Variants in ZFHX3 observed in about 807,000 individuals in gnomAD.
The protein encoded by ZFHX3 is zinc finger homeobox protein 3.
In ZFHX3, 42 loss-of-function variants were observed where a neutral mutation model predicts 279.1. The ratio of observed to expected loss-of-function variants is 0.15; its 90% CI spans 0.12 to 0.19. The LOEUF (loss-of-function observed/expected upper bound fraction) is 0.19. Among genes scored for constraint, ZFHX3 ranks in the 10% least tolerant of loss-of-function variants. ZFHX3 has a pLI of 1.00. For missense variants in ZFHX3, 4,981 were observed against 4,754.0 expected (o/e 1.05, Z -1.40); for synonymous variants, 2,293 against 1,957.8 (o/e 1.17, Z -4.52).
intron 1 of ZFHX3, among the ~76,000 whole-genome samples, chr16:73,710,723 C>T (rs1370375215): frequency 1.3e-5 from 2 of 152,150 alleles, no homozygotes; most frequent in Non-Finnish European, 2.9e-5. Flanking sequence ...CTGTGTCCTG[C>T]TCAGTAACTG....
In ZFHX3 at chr16:73,346,634, G is replaced by T. The variant is rs182653203; in HGVS notation, c.-1290-28298C>A. ...CTACAGGTGTATGCCACTATGCCTG[G>T]CTAATTTTTGTATTTTTTGTAGAGA... On this transcript the variant is annotated intron_variant, in intron 3 of 17. Coordinates refer to the ZFHX3 transcript ENST00000641206. Among the ~76,000 whole-genome samples, 5 of 152,282 alleles carry T rather than the reference G, an allele frequency of 3.3e-5. No homozygotes were observed. The East Asian group carries it at 9.7e-4, about 29-fold the overall frequency.
chr16:73,104,154 T>G (rs1207607141), intron 7 of ZFHX3, among the ~76,000 whole-genome samples: 1 of 152,240 alleles, frequency 6.6e-6, no homozygotes, highest in Middle Eastern at 3.2e-3. Context: ...ATAGCCACAA[T>G]CATCCAGTAA....
At chr16:73,372,290 GT>G (rs879808663) in intron 3 of ZFHX3, among the ~76,000 whole-genome samples, 16 of 151,156 alleles carry the variant, frequency 1.1e-4, no homozygotes, top group South Asian at 2.1e-4. Context: ...ATTAAACAAG[GT>G]TTTTTTTTAA....
intron 3 of ZFHX3, among the ~76,000 whole-genome samples, chr16:72,908,430 G>C (rs1053213850): frequency 6.6e-6 from 1 of 152,212 alleles, no homozygotes; most frequent in Admixed American, 6.5e-5. Flanking sequence ...CTCAGGTGAC[G>C]ACAATGGGTG....
intron 4 of ZFHX3, among the ~76,000 whole-genome samples, chr16:72,875,460 T>G (rs1318580808): frequency 6.6e-6 from 1 of 151,952 alleles, no homozygotes; most frequent in Non-Finnish European, 1.5e-5. Flanking sequence ...TCATAAAACA[T>G]GTGACTATCT....
At chr16:73,016,026 A>C (rs903778418) in intron 1 of ZFHX3, 4 of 152,210 alleles carry the variant, frequency 2.6e-5, no homozygotes, top group African/African-American at 7.2e-5. Flanking sequence ...CCTGCCACAG[A>C]GCGATTTCTG....
chr16:73,612,903 G>C (rs1340476008), intron 2 of ZFHX3, among the ~76,000 whole-genome samples: 2 of 152,030 alleles, frequency 1.3e-5, no homozygotes, highest in African/African-American at 2.4e-5. Context: ...TGAAAAAAAA[G>C]AAGTAGGGAT....
chr16:73,279,619 G>A (rs192228668), intron 4 of ZFHX3, among the ~76,000 whole-genome samples: 3 of 152,096 alleles, frequency 2.0e-5, no homozygotes, highest in East Asian at 3.9e-4. Context: ...CGGTCTTTTC[G>A]TTCATGTGGT....
chr16:73,596,713 G>A lies in ZFHX3; in HGVS notation c.-1547+83467C>T, dbSNP rs1034921851. Among the ~76,000 whole-genome samples the A allele has an allele frequency of 3.9e-5, 6 of 152,248 alleles. No individual in the cohort carries two copies. The East Asian group carries it at 1.2e-3, about 29-fold the overall frequency. On this transcript the variant is annotated intron_variant, in intron 2 of 17. Transcript: ENST00000641206. ...CATCCATCATAGCACGTTCAATCAT[G>A]ACACTCAACTTCCGTGATCTATTAC...
intron 3 of ZFHX3, among the ~76,000 whole-genome samples, chr16:73,445,565 C>T (rs114803300): frequency 0.011 from 1,676 of 152,230 alleles, 31 homozygotes; most frequent in African/African-American, 0.038. Flanking sequence ...CCTCCCAGGC[C>T]TGCTCTACCC....
At chr16:73,272,197 T>A (rs772546795) in intron 4 of ZFHX3, among the ~76,000 whole-genome samples, 3 of 152,238 alleles carry the variant, frequency 2.0e-5, no homozygotes, top group Non-Finnish European at 2.9e-5. Context: ...TTTTAAAAAA[T>A]TTTAAGTGCT....
intron 3 of ZFHX3, among the ~76,000 whole-genome samples, chr16:73,376,277 G>GT (rs2016721369): frequency 6.6e-6 from 1 of 152,168 alleles, no homozygotes; most frequent in Admixed American, 6.5e-5. Flanking sequence ...CTGAAGTACA[G>GT]TTTTAAATCC....
At chr16:73,571,258 A>G (rs1047114786) in intron 2 of ZFHX3, among the ~76,000 whole-genome samples, 4 of 152,240 alleles carry the variant, frequency 2.6e-5, no homozygotes. Context: ...CGCAGCATCT[A>G]GATATACCGC....
intron 5 of ZFHX3, among the ~76,000 whole-genome samples, chr16:73,176,441 A>T (rs1184455054): frequency 6.6e-6 from 1 of 152,166 alleles, no homozygotes; most frequent in East Asian, 1.9e-4. Flanking sequence ...CCTTTATGTG[A>T]GTACACTGTA....
chr16:73,611,539 T>G (rs368689505), intron 2 of ZFHX3, among the ~76,000 whole-genome samples: 3 of 152,314 alleles, frequency 2.0e-5, no homozygotes, highest in Admixed American at 6.5e-5. Flanking sequence ...AAAATTAAAC[T>G]AGATGAATCT....
At chr16:73,689,621 G>A (rs2053126494) in intron 1 of ZFHX3, among the ~76,000 whole-genome samples, 1 of 152,180 alleles carries the variant, frequency 6.6e-6, no homozygotes, top group Non-Finnish European at 1.5e-5. Flanking sequence ...GTCAGAGAGG[G>A]AAGGGTTGGT....
chr16:73,011,463 C>A (rs1264489734), intron 1 of ZFHX3, among the ~76,000 whole-genome samples: 1 of 150,682 alleles, frequency 6.6e-6, no homozygotes, highest in Non-Finnish European at 1.5e-5. Flanking sequence ...CAAGTCTGGG[C>A]TGGGCGTGGT....
chr16:73,731,804 T>G (rs2053572051), intron 1 of ZFHX3, among the ~76,000 whole-genome samples: 1 of 152,188 alleles, frequency 6.6e-6, no homozygotes, highest in African/African-American at 2.4e-5. Flanking sequence ...TCATTTAGGC[T>G]TAAATTGCAA....
chr16:73,058,375 G>A (rs1007198307), intron 1 of ZFHX3, among the ~76,000 whole-genome samples: 1 of 149,134 alleles, frequency 6.7e-6, no homozygotes, highest in Admixed American at 6.6e-5. Flanking sequence ...GGCGGCGGCC[G>A]GGCGCGAGAG....
Sources: gnomAD v4.1 joint callset for allele counts (sites outside exome capture counted in the v4.1 genomes callset) on GRCh38, gnomAD v4.1.1 for gene constraint, MANE v1.5 for transcripts, NCBI Gene and HGNC (gene_info 2026-07-23, HGNC 2026-07-21) for gene names.